The following TIMM17A variants were observed in gnomAD, a reference collection of about 807,000 sequenced individuals.
The protein encoded by TIMM17A is mitochondrial import inner membrane translocase subunit Tim17-A.
Under a neutral mutation model 26.5 loss-of-function variants are expected in TIMM17A, and 15 were observed. The observed-to-expected ratio is 0.57, with a 90% confidence interval of 0.38 to 0.87. TIMM17A has a LOEUF of 0.87. Among genes scored for constraint, TIMM17A ranks in the 40% least tolerant of loss-of-function variants. The pLI, the probability that TIMM17A is intolerant of heterozygous loss-of-function variation, is 0.00. For missense variants in TIMM17A, 201 were observed against 210.0 expected (o/e 0.96, Z 0.27); for synonymous variants, 80 against 70.8 (o/e 1.13, Z -0.66).
chr1:201,957,200 T>G, intron 1 of TIMM17A, 81 bp from the exon 2 acceptor site: 1 of 909,328 alleles, frequency 1.1e-6, no homozygotes. Flanking sequence ...TCTGTTCCAT[T>G]ATAATCCTTA....
rs1165799583 is a variant in TIMM17A at position 201,969,472 on chromosome 1, C to T, written c.434C>T (p.Pro145Leu). The change falls in exon 6 of 6, where the codon CCT becomes CTT. Residue 145 changes from proline (P) to leucine (L), a missense_variant. Physicochemically the swap from Pro to Leu is moderately conservative, Grantham distance 98 (BLOSUM62 -3). Coordinates refer to ENST00000367287, the MANE Select transcript of TIMM17A (RefSeq NM_006335.3). Reference sequence around the variant, plus strand: ...CCTTTTTATTTCTCACTTGCAGGTCCTCAGTTTGCAGAAGACCCCTCCCAG... The same window carrying T: ...CCTTTTTATTTCTCACTTGCAGGTCTTCAGTTTGCAGAAGACCCCTCCCAG... ...RFASAQFPNGPQFAEDPSQLP... is the reference protein window; with the variant it reads ...RFASAQFPNGLQFAEDPSQLP... 6.2e-7 allele frequency: 1 copy of T among 1,612,000 alleles called. No individual in the cohort carries two copies. The highest frequency in any genetic ancestry group is 1.7e-5 in the Admixed American group (1 of 59,892).
At position 201,963,699 on chromosome 1, in the gene TIMM17A, T is replaced by TC. The variant is rs1682574880; in HGVS notation, c.276dup (p.Ile93HisfsTer35). On this transcript the variant is annotated frameshift_variant, in exon 4 of 6. Coordinates refer to ENST00000367287, the MANE Select transcript of TIMM17A (RefSeq NM_006335.3). LOFTEE classifies it high-confidence loss of function. Reference sequence around the variant, plus strand: ...CAGAGGAAAGGAAGATCCCTGGAACTCCATCACAAGTGGTGCCTTAACGGG... The same window carrying TC: ...CAGAGGAAAGGAAGATCCCTGGAACTCCCATCACAAGTGGTGCCTTAACGGG... 6.2e-7 allele frequency: 1 copy of TC among 1,611,862 alleles called. No homozygotes were observed. The highest frequency in any genetic ancestry group is 1.7e-5 in the Admixed American group (1 of 59,154).
At chr1:201,963,109 CT>C (rs1414234421) in intron 3 of TIMM17A, 5 of 153,254 alleles carry the variant, frequency 3.3e-5, no homozygotes, top group Non-Finnish European at 7.3e-5. Flanking sequence ...GAGTGTCGCT[CT>C]TGTTGCCCAG....
At chr1:201,960,939 G>A (rs1408479655) in intron 3 of TIMM17A, among the ~76,000 whole-genome samples, 1 of 151,952 alleles carries the variant, frequency 6.6e-6, no homozygotes. Context: ...TAGTAAAGAC[G>A]AGGTTTCACC....
rs370231478 is a variant in TIMM17A at position 201,956,978 on chromosome 1, T to C, written c.27-303T>C. On this transcript the variant is annotated intron_variant, in intron 1 of 5. Transcript: ENST00000367287. ...CTCAAAAAAAAAAAAAAAAACAACT[T>C]AGAAAAATAATGGGTTTTCATTTAC... Among the ~76,000 whole-genome samples the C allele has an allele frequency of 5.9e-4, 90 of 151,862 alleles. 3 individuals are homozygous for C. Among genetic ancestry groups the C allele is most frequent in the African/African-American group, 2.1e-3 (89 of 41,422 alleles).
intron 1 of TIMM17A, 132 bp from the exon 2 acceptor site, chr1:201,957,149 A>G (rs549173625): frequency 1.6e-6 from 1 of 614,392 alleles, no homozygotes; most frequent in African/African-American, 1.8e-5. Flanking sequence ...GTCATTTTAT[A>G]GGCCAAATAT....
Position 201,957,380 on chromosome 1 carries a change from G to A in TIMM17A, c.126G>A (p.Val42=). ...QAIKGFRNSP[V]GVNHRLRGSL... ...TCAAAGGTTTTCGCAATTCTCCAGTGGTAAGTGGGTGAATGGTCTTATTTT... is the reference window on the plus strand; with the variant it reads ...TCAAAGGTTTTCGCAATTCTCCAGTAGTAAGTGGGTGAATGGTCTTATTTT... Residue 42 remains valine (V), a splice_region_variant and synonymous_variant, in exon 2 of 6, where the codon GTG becomes GTA. Transcript: ENST00000367287. 1 of 1,610,446 alleles carries A rather than the reference G, an allele frequency of 6.2e-7. No individual in the cohort carries two copies. Among genetic ancestry groups the A allele is most frequent in the Non-Finnish European group, 8.5e-7 (1 of 1,176,810 alleles).
chr1:201,968,163 A>AT (rs34204655), intron 5 of TIMM17A, among the ~76,000 whole-genome samples: 32,825 of 146,670 alleles, frequency 0.22, 3,623 homozygotes, highest in East Asian at 0.26. Flanking sequence ...CACCTGGCTC[A>AT]TTTTTTTTTT....
chr1:201,960,163 G>T (rs1447632729), intron 3 of TIMM17A, among the ~76,000 whole-genome samples: 1 of 152,140 alleles, frequency 6.6e-6, no homozygotes, highest in Non-Finnish European at 1.5e-5. Context: ...ACTTCGGGAG[G>T]CTGAGGCAGT....
In TIMM17A at chr1:201,963,652, T is replaced by C. The variant is rs758516246; in HGVS notation, c.227T>C (p.Ile76Thr). Residue 76 changes from isoleucine (I) to threonine (T), a missense_variant, in exon 4 of 6, where the codon ATT becomes ACT. Coordinates refer to ENST00000367287, the MANE Select transcript of TIMM17A (RefSeq NM_006335.3). ...GTTTGGGGAGGGCTGTTTTCCATGA[T>C]TGACTGTAGTATGGTTCAAGTCAGA... ...FAVWGGLFSMIDCSMVQVRGK... is the reference protein window; with the variant it reads ...FAVWGGLFSMTDCSMVQVRGK... 1 of 1,608,836 alleles carries C rather than the reference T, an allele frequency of 6.2e-7. No individual in the cohort carries two copies. The highest frequency in any genetic ancestry group is 8.5e-7 in the Non-Finnish European group (1 of 1,178,742).
At chr1:201,963,872 T>G (rs1682577249) in intron 4 of TIMM17A, 128 bp downstream of exon 4, 5 of 1,079,996 alleles carry the variant, frequency 4.6e-6, no homozygotes, top group Non-Finnish European at 5.0e-6. Context: ...ATGACTATAA[T>G]TCCATCACTT....
intron 4 of TIMM17A, among the ~76,000 whole-genome samples, chr1:201,964,300 CTTTTTATGCT>C (rs1239620803): frequency 6.6e-6 from 1 of 152,156 alleles, no homozygotes; most frequent in Non-Finnish European, 1.5e-5. Context: ...GTTTACCAAA[CTTTTTATGCT>C]ATAATTTCTT....
rs1682392059 is a variant in TIMM17A, at chr1:201,955,515, A to T, written c.-12A>T. 1 of 1,614,126 alleles carries T rather than the reference A, an allele frequency of 6.2e-7. No individual in the cohort carries two copies. The highest frequency in any genetic ancestry group is 1.1e-5 in the South Asian group (1 of 91,092). On this transcript the variant is annotated 5_prime_UTR_variant, in exon 1 of 6. Coordinates refer to ENST00000367287, the MANE Select transcript of TIMM17A (RefSeq NM_006335.3). Reference sequence around the variant, plus strand: ...CAGCTTGCCCGGCATCACTCGCGGCATTGGAGTCAAGATGGAGGAGTACGC... The same window carrying T: ...CAGCTTGCCCGGCATCACTCGCGGCTTTGGAGTCAAGATGGAGGAGTACGC...
chr1:201,963,786 T>C, intron 4 of TIMM17A, 42 bp downstream of exon 4: 5 of 1,554,082 alleles, frequency 3.2e-6, no homozygotes, highest in Non-Finnish European at 2.6e-6. Flanking sequence ...GCCACACTTT[T>C]AGGAAAACCT....
Position 201,957,344 on chromosome 1 carries a change from C to T in TIMM17A, c.90C>T (p.Ile30=), listed in dbSNP as rs1478807310. The change falls in exon 2 of 6, where the codon ATC becomes ATT. Residue 30 remains isoleucine, a synonymous_variant. Coordinates refer to ENST00000367287, the MANE Select transcript of TIMM17A (RefSeq NM_006335.3). The part of the protein sequence containing the change: ...AFTMGTIGGG[I]FQAIKGFRNS... ...CGATGGGTACCATTGGTGGTGGTAT[C>T]TTTCAAGCAATCAAAGGTTTTCGCA... The T allele has an allele frequency of 6.2e-7, 1 of 1,613,988 alleles. No homozygotes were observed. Among genetic ancestry groups the T allele is most frequent in the Non-Finnish European group, 8.5e-7 (1 of 1,179,932 alleles).
chr1:201,955,873 G>T (rs918111054), intron 1 of TIMM17A, among the ~76,000 whole-genome samples: 1 of 152,328 alleles, frequency 6.6e-6, no homozygotes, highest in Non-Finnish European at 1.5e-5. Context: ...TGCGGGGCCA[G>T]TTATAATCCC....
chr1:201,969,494 C>T lies in TIMM17A; in HGVS notation c.456C>T (p.Ser152=). 2 of 1,613,790 alleles carry T rather than the reference C, an allele frequency of 1.2e-6. No individual in the cohort carries two copies. The highest frequency in any genetic ancestry group is 1.7e-6 in the Non-Finnish European group (2 of 1,179,806). Residue 152 remains serine, a synonymous_variant, in exon 6 of 6, where the codon TCC becomes TCT. Coordinates refer to ENST00000367287, the MANE Select transcript of TIMM17A (RefSeq NM_006335.3). ...PNGPQFAEDP[S]QLPSTQLPSS... is the part of the protein sequence containing the mutation. ...GTCCTCAGTTTGCAGAAGACCCCTC[C>T]CAGTTGCCTTCAACTCAGTTACCTT...
chr1:201,955,704 TCGG>T, intron 1 of TIMM17A, 152 bp downstream of exon 1: 1 of 1,104,952 alleles, frequency 9.1e-7, no homozygotes, highest in Non-Finnish European at 1.3e-6. Context: ...TCGCGGCCAG[TCGG>T]CTTCTTAGCC....
intron 3 of TIMM17A, among the ~76,000 whole-genome samples, chr1:201,961,160 G>A (rs978420854): frequency 1.1e-4 from 16 of 150,254 alleles, no homozygotes; most frequent in Admixed American, 2.7e-4. Flanking sequence ...CCATCTGTCC[G>A]GTTCAAGCGA....
Sources: gnomAD v4.1 joint callset for allele counts (sites outside exome capture counted in the v4.1 genomes callset) on GRCh38, gnomAD v4.1.1 for gene constraint, MANE v1.5 for transcripts, NCBI Gene and HGNC (gene_info 2026-07-23, HGNC 2026-07-21) for gene names.